Variants in JAM3 observed in about 807,000 individuals in gnomAD.
JAM3 encodes junctional adhesion molecule 3, also known as junctional adhesion molecule C.
Under a neutral mutation model 39.4 loss-of-function variants are expected in JAM3, and 31 were observed. That is an observed-to-expected ratio of 0.79 (90% CI 0.59 to 1.06). The LOEUF (loss-of-function observed/expected upper bound fraction) is 1.06. Among genes scored for constraint, JAM3 ranks in the 50% least tolerant of loss-of-function variants. JAM3 has a pLI of 0.00. For missense variants in JAM3, 455 were observed against 391.4 expected, an observed-to-expected ratio of 1.16 and a Z score of -1.37; for synonymous variants, 182 against 148.7, an observed-to-expected ratio of 1.22 and a Z score of -1.63.
At chr11:134,148,488 G>T (rs754681546) in intron 6 of JAM3, 59 bp from the exon 7 acceptor site, 1 of 1,612,242 alleles carries the variant, frequency 6.2e-7, no homozygotes. Context: ...CAGGGCCAGG[G>T]CCTTTTTAAA....
At chr11:134,149,010 C>T (rs1441568242) in intron 8 of JAM3, 136 bp from the exon 9 acceptor site, 2 of 1,056,224 alleles carry the variant, frequency 1.9e-6, no homozygotes, top group Admixed American at 1.9e-5. Flanking sequence ...GGGATTTGTG[C>T]TTTGCAAGCG....
intron 1 of JAM3, among the ~76,000 whole-genome samples, chr11:134,088,729 T>C (rs1230390740): frequency 9.8e-6 from 1 of 102,560 alleles, no homozygotes; most frequent in Non-Finnish European, 1.9e-5. Flanking sequence ...AAATGTCACT[T>C]AATTGGGCTT....
At position 134,140,641 on chromosome 11, in the gene JAM3, C is replaced by A; in HGVS notation, c.143-16C>A. 6.2e-7 allele frequency: 1 copy of A among 1,606,466 alleles called. No homozygotes were observed. ...TCCACATTCACCGAGAGCTCTTTTTCTTCTTTGCGTGTTAGGTGTGGAACT... is the reference window on the plus strand; with the variant it reads ...TCCACATTCACCGAGAGCTCTTTTTATTCTTTGCGTGTTAGGTGTGGAACT... On this transcript the variant is annotated splice_polypyrimidine_tract_variant and intron_variant, in intron 2 of 8. Coordinates refer to ENST00000299106, the MANE Select transcript of JAM3 (RefSeq NM_032801.5).
chr11:134,114,761 C>T (rs1456992429), intron 1 of JAM3, among the ~76,000 whole-genome samples: 1 of 152,170 alleles, frequency 6.6e-6, no homozygotes, highest in Non-Finnish European at 1.5e-5. Context: ...TTTTATGGCT[C>T]GGAATATGGT....
intron 1 of JAM3, among the ~76,000 whole-genome samples, chr11:134,138,381 C>T (rs1358230879): frequency 8.8e-6 from 1 of 113,482 alleles, no homozygotes; most frequent in Non-Finnish European, 1.8e-5. Flanking sequence ...TCCCTTAGAG[C>T]CAGTGGTGGT....
chr11:134,140,268 C>T (rs747832424), intron 2 of JAM3, among the ~76,000 whole-genome samples: 5 of 152,266 alleles, frequency 3.3e-5, no homozygotes, highest in Middle Eastern at 6.8e-3. Flanking sequence ...ATTACAGGCA[C>T]CCGCCACCAC....
At chr11:134,111,605 A>G (rs1942313003) in intron 1 of JAM3, among the ~76,000 whole-genome samples, 1 of 152,180 alleles carries the variant, frequency 6.6e-6, no homozygotes, top group Non-Finnish European at 1.5e-5. Flanking sequence ...GTTTCTCAGC[A>G]TTCAGTTTTT....
Position 134,144,793 on chromosome 11 carries a change from G to A in JAM3, c.411G>A (p.Val137=). 1 of 1,613,804 alleles carries A rather than the reference G, an allele frequency of 6.2e-7. No homozygotes were observed. Among genetic ancestry groups the A allele is most frequent in the Non-Finnish European group, 8.5e-7 (1 of 1,179,756 alleles). ...AACACCACCCCTTTTTCCCCACAGT[G>A]AAGCCAGTGACCCCTGTCTGTAGAG... ...DEIVIELTVQ[V]KPVTPVCRVP... Residue 137 remains valine, a splice_region_variant and synonymous_variant, in exon 5 of 9, where the codon GTG becomes GTA. Coordinates refer to ENST00000299106, the MANE Select transcript of JAM3 (RefSeq NM_032801.5).
At chr11:134,104,155 T>C (rs749290271) in intron 1 of JAM3, among the ~76,000 whole-genome samples, 10 of 152,176 alleles carry the variant, frequency 6.6e-5, no homozygotes, top group Non-Finnish European at 1.0e-4. Context: ...TATAACAAAC[T>C]TGTCTCAGAC....
intron 1 of JAM3, among the ~76,000 whole-genome samples, chr11:134,120,756 C>T (rs967571348): frequency 6.6e-6 from 1 of 152,162 alleles, no homozygotes; most frequent in Non-Finnish European, 1.5e-5. Flanking sequence ...AGGATGCTCA[C>T]GCCATTATGT....
chr11:134,126,938 G>C (rs571092055), intron 1 of JAM3, among the ~76,000 whole-genome samples: 67 of 152,192 alleles, frequency 4.4e-4, no homozygotes, highest in Admixed American at 1.1e-3. Flanking sequence ...TTGTAGGATA[G>C]CTTTGCCTTT....
At chr11:134,147,459 CAAAAAAAAAA>C (rs557379286) in intron 6 of JAM3, among the ~76,000 whole-genome samples, 1 of 70,874 alleles carries the variant, frequency 1.4e-5, no homozygotes, top group Admixed American at 1.5e-4. Context: ...GACTCTGTCT[CAAAAAAAAAA>C]AAAAAAAAAC....
intron 1 of JAM3, among the ~76,000 whole-genome samples, chr11:134,086,189 A>T (rs542637962): frequency 6.6e-6 from 1 of 152,200 alleles, no homozygotes; most frequent in African/African-American, 2.4e-5. Context: ...TTGTGCAAAT[A>T]TAAAATGTTA....
In JAM3 at chr11:134,148,825, A is replaced by T. The variant is rs1565507983; in HGVS notation, c.897+7A>T. 2 of 1,614,044 alleles carry T rather than the reference A, an allele frequency of 1.2e-6. No homozygotes were observed. Among genetic ancestry groups the T allele is most frequent in the East Asian group, 4.5e-5 (2 of 44,880 alleles). On this transcript the variant is annotated splice_region_variant and intron_variant, in intron 8 of 8. Coordinates refer to ENST00000299106, the MANE Select transcript of JAM3 (RefSeq NM_032801.5). Reference sequence around the variant, plus strand: ...CATCCGCACTGACGAGGAGGTAATCATTTAGTAAACCTGGAAACCTAGGTG... The same window carrying T: ...CATCCGCACTGACGAGGAGGTAATCTTTTAGTAAACCTGGAAACCTAGGTG...
intron 1 of JAM3, among the ~76,000 whole-genome samples, chr11:134,127,511 C>A (rs1021015995): frequency 6.6e-6 from 1 of 152,046 alleles, no homozygotes; most frequent in Non-Finnish European, 1.5e-5. Context: ...CCAGCCTGGC[C>A]AACATGGTGA....
At chr11:134,127,412 C>T (rs976376698) in intron 1 of JAM3, among the ~76,000 whole-genome samples, 2 of 152,160 alleles carry the variant, frequency 1.3e-5, no homozygotes, top group Non-Finnish European at 2.9e-5. Flanking sequence ...AACTTGATGC[C>T]TTTTGGCCGG....
chr11:134,122,847 A>T (rs1029300918), intron 1 of JAM3, among the ~76,000 whole-genome samples: 6 of 152,248 alleles, frequency 3.9e-5, no homozygotes, highest in African/African-American at 1.4e-4. Context: ...CTAGACAGAA[A>T]ATCAGAGTAA....
intron 1 of JAM3, among the ~76,000 whole-genome samples, chr11:134,105,555 T>C (rs1418834299): frequency 2.6e-5 from 4 of 152,088 alleles, no homozygotes; most frequent in Non-Finnish European, 4.4e-5. Flanking sequence ...AAAGAGGAAG[T>C]CAAATTGTCC....
At chr11:134,117,077 C>T (rs1942449284) in intron 1 of JAM3, among the ~76,000 whole-genome samples, 1 of 151,720 alleles carries the variant, frequency 6.6e-6, no homozygotes, top group African/African-American at 2.4e-5. Context: ...AAAAACAATC[C>T]ACGGCCAGGC....
Sources: gnomAD v4.1 joint callset for allele counts (sites outside exome capture counted in the v4.1 genomes callset) on GRCh38, gnomAD v4.1.1 for gene constraint, MANE v1.5 for transcripts, NCBI Gene and HGNC (gene_info 2026-07-23, HGNC 2026-07-21) for gene names.